Variants in RRM2B observed in about 807,000 individuals in gnomAD.
RRM2B encodes the protein ribonucleoside-diphosphate reductase subunit M2 B.
A neutral mutation model predicts 45.9 loss-of-function variants in RRM2B; 20 were observed. The ratio of observed to expected loss-of-function variants is 0.44; its 90% CI spans 0.31 to 0.63. The LOEUF (loss-of-function observed/expected upper bound fraction) is 0.63, where lower values mean the gene tolerates loss of function less well. Among genes scored for constraint, RRM2B ranks in the 30% least tolerant of loss-of-function variants. The probability of loss-of-function intolerance (pLI) is 0.09; values close to 1 mark genes in which losing one functional copy is unlikely to be tolerated. For synonymous variants in RRM2B, 124 were observed against 132.3 expected (o/e 0.94, Z 0.43); for missense variants, 320 against 414.7 (o/e 0.77, Z 1.98).
intron 2 of RRM2B, 98 bp downstream of exon 2, chr8:102,232,051 T>C: frequency 9.2e-7 from 1 of 1,088,206 alleles, no homozygotes; most frequent in Non-Finnish European, 1.4e-6. Context: ...ACAACTGATC[T>C]TCTTCAATGT....
chr8:102,215,428 A>G (rs866281697), intron 6 of RRM2B, among the ~76,000 whole-genome samples: 2 of 151,418 alleles, frequency 1.3e-5, no homozygotes, highest in Non-Finnish European at 2.9e-5. Flanking sequence ...GGAAGAAAGA[A>G]GAAATTACCA....
Position 102,225,918 on chromosome 8 carries a change from C to G in RRM2B, c.321G>C (p.Leu107Phe), listed in dbSNP as rs1458581222. The G allele has an allele frequency of 6.4e-7, 1 of 1,560,838 alleles. No homozygotes were observed. Among genetic ancestry groups the G allele is most frequent in the Non-Finnish European group, 8.8e-7 (1 of 1,132,022 alleles). Residue 107 changes from leucine to phenylalanine, a missense_variant and splice_region_variant, in exon 3 of 9, where the codon TTG becomes TTC. Leu to Phe is a conservative substitution (Grantham distance 22). Transcript: ENST00000251810. ...AASDGIVNENLVERFSQEVQV... is the reference protein window; with the variant it reads ...AASDGIVNENFVERFSQEVQV... Reference sequence around the variant, plus strand: ...AAGTTAAATCAAGCAAAAATCTTACCAAATTTTCATTTACAATTCCATCAC... The same window carrying G: ...AAGTTAAATCAAGCAAAAATCTTACGAAATTTTCATTTACAATTCCATCAC...
intron 5 of RRM2B, among the ~76,000 whole-genome samples, chr8:102,223,563 T>C (rs11783467): frequency 0.1 from 15,723 of 151,932 alleles, 856 homozygotes; most frequent in Middle Eastern, 0.16. Flanking sequence ...AGCGTGGTGG[T>C]AGGTGCCTGT....
At chr8:102,218,787 T>C (rs765866546) in intron 6 of RRM2B, 27 bp downstream of exon 6, 2 of 1,530,762 alleles carry the variant, frequency 1.3e-6, no homozygotes, top group South Asian at 2.2e-5. Flanking sequence ...AATACAAATA[T>C]AACTAGAAAA....
chr8:102,213,588 A>T, intron 7 of RRM2B, among the ~76,000 whole-genome samples: 1 of 152,164 alleles, frequency 6.6e-6, no homozygotes, highest in East Asian at 1.9e-4. Context: ...TTCTAGTAAG[A>T]AATCCGTACA....
At chr8:102,233,563 A>G (rs569383408) in intron 1 of RRM2B, among the ~76,000 whole-genome samples, 2 of 152,368 alleles carry the variant, frequency 1.3e-5, no homozygotes, top group South Asian at 4.1e-4. Flanking sequence ...TTAATTTAAC[A>G]TAGGACCACA....
At chr8:102,210,163 T>G (rs1810611320) in intron 8 of RRM2B, among the ~76,000 whole-genome samples, 1 of 152,250 alleles carries the variant, frequency 6.6e-6, no homozygotes, top group African/African-American at 2.4e-5. Flanking sequence ...TTGCATGCTA[T>G]GTGACTTAAT....
Position 102,205,099 on chromosome 8 carries a change from C to T in RRM2B, c.*3034G>A, listed in dbSNP as rs1266616232. 1 of 152,210 alleles carries T rather than the reference C, an allele frequency of 6.6e-6. No homozygotes were observed. The highest frequency in any genetic ancestry group is 2.4e-5 in the African/African-American group (1 of 41,468). 9.4% of individuals were successfully genotyped at this position (152,210 alleles called of 1,614,324 possible). A position where few individuals can be genotyped will look rare whatever the true frequency, so the allele number is the denominator to read the frequency against. On this transcript the variant is annotated 3_prime_UTR_variant, in exon 9 of 9. Transcript: ENST00000251810. Reference sequence around the variant, plus strand: ...TGGGGAAGATTTCCCAAGTCCACTACCAATTCACTCAACTTGGTTTAAAAA... The same window carrying T: ...TGGGGAAGATTTCCCAAGTCCACTATCAATTCACTCAACTTGGTTTAAAAA...
At chr8:102,208,354 T>C in intron 8 of RRM2B, 69 bp from the exon 9 acceptor site, 2 of 1,151,316 alleles carry the variant, frequency 1.7e-6, no homozygotes, top group Non-Finnish European at 2.6e-6. Flanking sequence ...AGAGCAAAGA[T>C]GACCAAAACA....
intron 3 of RRM2B, 35 bp from the exon 4 acceptor site, chr8:102,225,053 T>C: frequency 3.7e-6 from 6 of 1,611,854 alleles, no homozygotes; most frequent in Non-Finnish European, 4.2e-6. Context: ...TATCCAGTTC[T>C]ATAGGCTCTC....
At chr8:102,218,511 A>C (rs1042764302) in intron 6 of RRM2B, among the ~76,000 whole-genome samples, 2 of 152,122 alleles carry the variant, frequency 1.3e-5, no homozygotes, top group African/African-American at 4.8e-5. Context: ...TGAGGCCAGG[A>C]GTTCAAGACC....
At chr8:102,226,462 A>G (rs1406721821) in intron 2 of RRM2B, among the ~76,000 whole-genome samples, 1 of 152,050 alleles carries the variant, frequency 6.6e-6, no homozygotes, top group Non-Finnish European at 1.5e-5. Context: ...AAATATTCAA[A>G]TTAACATAAT....
In RRM2B at chr8:102,236,804, T is replaced by C. The variant is rs552830834; in HGVS notation, c.48+2023A>G. The stretch of plus-strand genomic sequence containing the variant: ...GTTTTTTCCAGAATGGTACTTCCAG[T>C]TTCCGACTGACTCAATTTCTGGTCA... On this transcript the variant is annotated intron_variant, in intron 1 of 8. Transcript: ENST00000251810. 1.6e-4 allele frequency among the ~76,000 whole-genome samples: 24 copies of C among 152,324 alleles called. No homozygotes were observed. In the South Asian group the frequency reaches 5.0e-3, roughly 32 times the overall value.
At chr8:102,210,136 C>T (rs1050488416) in intron 8 of RRM2B, among the ~76,000 whole-genome samples, 12 of 152,160 alleles carry the variant, frequency 7.9e-5, no homozygotes, top group African/African-American at 2.9e-4. Flanking sequence ...TTGAATTGTA[C>T]ATTTTAAATG....
At chr8:102,222,105 G>C (rs1810847511) in intron 5 of RRM2B, among the ~76,000 whole-genome samples, 1 of 150,482 alleles carries the variant, frequency 6.6e-6, no homozygotes, top group South Asian at 2.1e-4. Context: ...TTAGAGTCTG[G>C]GTCTTGCTCT....
rs938274297 is a variant in RRM2B at position 102,207,691 on chromosome 8, T to C, written c.*442A>G. ...AATATTATCAATGAATGATAATTAGTAGTGGTGCTAACAGTAGTAGTGTTG... is the reference window on the plus strand; with the variant it reads ...AATATTATCAATGAATGATAATTAGCAGTGGTGCTAACAGTAGTAGTGTTG... On this transcript the variant is annotated 3_prime_UTR_variant, in exon 9 of 9. Coordinates refer to ENST00000251810, the MANE Select transcript of RRM2B (RefSeq NM_015713.5). The C allele has an allele frequency of 1.9e-5, 3 of 156,192 alleles. No homozygotes were observed. Among genetic ancestry groups the C allele is most frequent in the Non-Finnish European group, 2.8e-5 (2 of 70,404 alleles). 9.7% of individuals were successfully genotyped at this position (156,192 alleles called of 1,614,324 possible). A position where few individuals can be genotyped will look rare whatever the true frequency, so the allele number is the denominator to read the frequency against.
At chr8:102,225,577 C>T (rs952912436) in intron 3 of RRM2B, among the ~76,000 whole-genome samples, 2 of 152,088 alleles carry the variant, frequency 1.3e-5, no homozygotes, top group Admixed American at 1.3e-4. Flanking sequence ...TCCTGATCAA[C>T]CATAATCAAG....
At chr8:102,209,894 A>G (rs1810606769) in intron 8 of RRM2B, among the ~76,000 whole-genome samples, 1 of 152,262 alleles carries the variant, frequency 6.6e-6, no homozygotes, top group South Asian at 2.1e-4. Context: ...ATATTATATG[A>G]TTCCATTTGT....
intron 6 of RRM2B, among the ~76,000 whole-genome samples, chr8:102,215,439 T>C (rs973348533): frequency 6.7e-6 from 1 of 149,962 alleles, no homozygotes; most frequent in Non-Finnish European, 1.5e-5. Context: ...GAAATTACCA[T>C]CAAGGCTGAA....
Sources: allele counts gnomAD v4.1 joint callset (sites outside exome capture counted in the v4.1 genomes callset), GRCh38; gene constraint gnomAD v4.1.1; transcripts MANE v1.5; gene names NCBI Gene and HGNC (gene_info 2026-07-23, HGNC 2026-07-21).